The following SNX29 variants were observed in gnomAD, a reference collection of about 807,000 sequenced individuals.
SNX29 encodes sorting nexin 29.
In SNX29, 78 loss-of-function variants were observed where a neutral mutation model predicts 102.1. The observed-to-expected ratio is 0.76, with a 90% confidence interval of 0.64 to 0.92. The LOEUF (loss-of-function observed/expected upper bound fraction) is 0.92. Among genes scored for constraint, SNX29 ranks in the 40% least tolerant of loss-of-function variants. The probability of loss-of-function intolerance (pLI) is 0.00; values close to 1 mark genes in which losing one functional copy is unlikely to be tolerated. For missense variants in SNX29, 1,280 were observed against 1,061.7 expected (o/e 1.21, Z -2.86); for synonymous variants, 580 against 414.5 (o/e 1.40, Z -4.85).
At chr16:12,428,145 A>C (rs2085159601) in intron 18 of SNX29, among the ~76,000 whole-genome samples, 1 of 152,160 alleles carries the variant, frequency 6.6e-6, no homozygotes, top group South Asian at 2.1e-4. Context: ...CTCATCACCC[A>C]TCATGCAAAT....
chr16:12,532,871 G>T (rs954496624), intron 20 of SNX29, among the ~76,000 whole-genome samples: 4 of 152,224 alleles, frequency 2.6e-5, no homozygotes, highest in African/African-American at 9.6e-5. Flanking sequence ...TCCCCTGCGT[G>T]AGAGAGCTGC....
intron 15 of SNX29, among the ~76,000 whole-genome samples, chr16:12,352,811 C>A (rs2082024307): frequency 1.3e-5 from 2 of 152,208 alleles, no homozygotes; most frequent in Admixed American, 1.3e-4. Context: ...CTGGCATTTA[C>A]TTTTGATTTG....
In SNX29 at chr16:12,573,349, C is replaced by T. The variant is rs1305319653; in HGVS notation, c.*4720C>T. The T allele has an allele frequency of 1.3e-5, 3 of 225,146 alleles. No homozygotes were observed. The highest frequency in any genetic ancestry group is 8.8e-6 in the Non-Finnish European group (1 of 113,050). 13.9% of individuals were successfully genotyped at this position (225,146 alleles called of 1,614,324 possible). ...AATTATGTCATGGAGTAGACAGTTA[C>T]TTCTAAATCCCAGCAACCAAGTTGC... On this transcript the variant is annotated 3_prime_UTR_variant, in exon 21 of 21. Transcript: ENST00000566228.
At position 12,365,501 on chromosome 16, in the gene SNX29, C is replaced by T. The variant is rs547976254; in HGVS notation, c.1899+9222C>T. On this transcript the variant is annotated intron_variant, in intron 16 of 20. Coordinates refer to ENST00000566228, the MANE Select transcript of SNX29 (RefSeq NM_032167.5). Reference sequence around the variant, plus strand: ...GGTCAGGAGTTCGAGACCGGCCTGGCCAACATGGTGAAACCCCATCTCTAC... The same window carrying T: ...GGTCAGGAGTTCGAGACCGGCCTGGTCAACATGGTGAAACCCCATCTCTAC... Among the ~76,000 whole-genome samples, 7 of 150,550 alleles carry T rather than the reference C, an allele frequency of 4.6e-5. No individual in the cohort carries two copies. The East Asian group carries it at 1.4e-3, about 30-fold the overall frequency.
chr16:12,352,486 T>G (rs943595290), intron 15 of SNX29, among the ~76,000 whole-genome samples: 2 of 152,176 alleles, frequency 1.3e-5, no homozygotes, highest in Non-Finnish European at 2.9e-5. Context: ...CTGCACGTTG[T>G]GCACACGTAC....
chr16:12,106,856 C>T (rs1316056804), intron 11 of SNX29, among the ~76,000 whole-genome samples: 3 of 151,992 alleles, frequency 2.0e-5, no homozygotes, highest in African/African-American at 7.3e-5. Context: ...CACTCTGTCA[C>T]CCAGGCTGCA....
chr16:12,069,050 T>C lies in SNX29; in HGVS notation c.1244-7T>C. 6.2e-7 allele frequency: 1 copy of C among 1,613,802 alleles called. No homozygotes were observed. Among genetic ancestry groups the C allele is most frequent in the Non-Finnish European group, 8.5e-7 (1 of 1,179,748 alleles). On this transcript the variant is annotated splice_polypyrimidine_tract_variant and splice_region_variant and intron_variant, in intron 9 of 20. Transcript: ENST00000566228. The stretch of plus-strand genomic sequence containing the variant: ...GACCTCTTTCTGTGATTGCTCTCTC[T>C]GCACAGATGCCCCCCTCGGAAGCCT...
intron 16 of SNX29, chr16:12,374,878 C>T (rs913710168): frequency 2.0e-5 from 3 of 152,198 alleles, no homozygotes; most frequent in Non-Finnish European, 4.4e-5. Context: ...TGGCTTTCAT[C>T]AGATCCAGTT....
intron 13 of SNX29, among the ~76,000 whole-genome samples, chr16:12,154,937 G>A (rs890160247): frequency 1.4e-4 from 22 of 152,212 alleles, no homozygotes; most frequent in Non-Finnish European, 2.6e-4. Context: ...TTGGAGGTTA[G>A]CATTTCAGCA....
chr16:12,306,344 G>A (rs2080337640), intron 15 of SNX29, among the ~76,000 whole-genome samples: 2 of 151,592 alleles, frequency 1.3e-5, no homozygotes, highest in African/African-American at 4.8e-5. Context: ...TTACATGCAG[G>A]TGCCTGGCCG....
chr16:12,460,416 G>GTGT (rs1162445915), intron 18 of SNX29, among the ~76,000 whole-genome samples: 1 of 152,108 alleles, frequency 6.6e-6, no homozygotes, highest in African/African-American at 2.4e-5. Context: ...AAAGGTCTTA[G>GTGT]TGTAACCAAA....
rs1555549924 is a variant in SNX29, at chr16:12,483,115, T to TTTTTTG, written c.2178+5261_2178+5262insGTTTTT. On this transcript the variant is annotated intron_variant, in intron 19 of 20. Coordinates refer to ENST00000566228, the MANE Select transcript of SNX29 (RefSeq NM_032167.5). ...ATAGATACATATTGAAGTTATTAAG[T>TTTTTTG]TTTTTTTTTTTTTTTTTTTTTTTTT... 4.9e-3 allele frequency among the ~76,000 whole-genome samples: 267 copies of TTTTTTG among 54,728 alleles called. 14 individuals are homozygous for TTTTTTG. The highest frequency in any genetic ancestry group is 0.027 in the African/African-American group (257 of 9,412). 35.9% of individuals were successfully genotyped at this position (54,728 alleles called of 152,430 possible). A position where few individuals can be genotyped will look rare whatever the true frequency, so the allele number is the denominator to read the frequency against.
intron 14 of SNX29, among the ~76,000 whole-genome samples, chr16:12,217,549 G>A (rs562632256): frequency 4.4e-4 from 67 of 152,306 alleles, no homozygotes; most frequent in African/African-American, 1.6e-3. Context: ...TAGTATGTCT[G>A]CCACCCGTAG....
intron 14 of SNX29, among the ~76,000 whole-genome samples, chr16:12,218,941 A>AT (rs2077397849): frequency 6.6e-6 from 1 of 151,954 alleles, no homozygotes; most frequent in Admixed American, 6.6e-5. Flanking sequence ...GTCCTGGCTA[A>AT]TTTTTTGTAT....
At chr16:12,342,202 C>T (rs2081629710) in intron 15 of SNX29, among the ~76,000 whole-genome samples, 1 of 152,180 alleles carries the variant, frequency 6.6e-6, no homozygotes, top group Non-Finnish European at 1.5e-5. Context: ...ATATGAGTCA[C>T]CCAGAGAAAA....
rs533354002 is a variant in SNX29, at chr16:12,475,019, C to T, written c.2038-2700C>T. ...TTCCTAACCCAAGTCCAGTTCCTCT[C>T]CATCTGTGGGGTGGTCCATGTGATC... On this transcript the variant is annotated intron_variant, in intron 18 of 20. Transcript: ENST00000566228. Among the ~76,000 whole-genome samples, 5 of 152,340 alleles carry T rather than the reference C, an allele frequency of 3.3e-5. No homozygotes were observed. In the South Asian group the frequency reaches 8.3e-4, roughly 25 times the overall value.
At chr16:12,566,616 C>T (rs575167761) in intron 20 of SNX29, among the ~76,000 whole-genome samples, 18 of 152,336 alleles carry the variant, frequency 1.2e-4, no homozygotes, top group African/African-American at 4.1e-4. Context: ...AGTTCCCCTA[C>T]ACTGCAAGCA....
At chr16:12,349,856 A>G (rs1013557981) in intron 15 of SNX29, among the ~76,000 whole-genome samples, 5 of 152,222 alleles carry the variant, frequency 3.3e-5, no homozygotes, top group Non-Finnish European at 5.9e-5. Flanking sequence ...TTATAGGTCA[A>G]TGCTTCTAAA....
At chr16:12,118,255 C>G (rs868674776) in intron 11 of SNX29, among the ~76,000 whole-genome samples, 1 of 148,594 alleles carries the variant, frequency 6.7e-6, no homozygotes, top group Admixed American at 6.7e-5. Context: ...TCCTTTAAAG[C>G]TAAAGTGCTC....
Sources: gnomAD v4.1 joint callset for allele counts (sites outside exome capture counted in the v4.1 genomes callset) on GRCh38, gnomAD v4.1.1 for gene constraint, MANE v1.5 for transcripts, NCBI Gene and HGNC (gene_info 2026-07-23, HGNC 2026-07-21) for gene names.